Variants in CCDC192 observed in about 807,000 individuals in gnomAD.
CCDC192 encodes coiled-coil domain containing 192.
At chr5:127,736,425 A>T (rs1162901830) in intron 2 of CCDC192, among the ~76,000 whole-genome samples, 1 of 151,766 alleles carries the variant, frequency 6.6e-6, no homozygotes, top group Non-Finnish European at 1.5e-5. Flanking sequence ...CTTTGGTATC[A>T]GAATGATGCT....
intron 5 of CCDC192, among the ~76,000 whole-genome samples, chr5:127,847,381 G>A (rs1016846308): frequency 1.3e-5 from 2 of 152,080 alleles, no homozygotes; most frequent in African/African-American, 4.8e-5. Flanking sequence ...TTTTGCTGCT[G>A]ACAGTATTTC....
chr5:127,856,226 CACCTT>C (rs1212987066), intron 5 of CCDC192, among the ~76,000 whole-genome samples: 1 of 152,228 alleles, frequency 6.6e-6, no homozygotes, highest in Non-Finnish European at 1.5e-5. Flanking sequence ...ATTGCTGCTT[CACCTT>C]ACACTTTCAT....
At chr5:127,897,674 C>T (rs1001742097) in intron 6 of CCDC192, among the ~76,000 whole-genome samples, 1 of 151,986 alleles carries the variant, frequency 6.6e-6, no homozygotes, top group Non-Finnish European at 1.5e-5. Flanking sequence ...TTCATTTTTC[C>T]TCTTAGGAAT....
In CCDC192 at chr5:127,941,502, G is replaced by A. The variant is rs1292990878; in HGVS notation, c.*34G>A. ...TAAGAAAACAATAAAAGTTTATTAA[G>A]TGTCATCCAGGTAAAGTCTGATACC... is the stretch of plus-strand genomic sequence containing the variant. On this transcript the variant is annotated 3_prime_UTR_variant, in exon 7 of 7. Transcript: ENST00000514853. 5.0e-6 allele frequency: 2 copies of A among 398,858 alleles called. No homozygotes were observed. Among genetic ancestry groups the A allele is most frequent in the East Asian group, 3.6e-5 (1 of 28,100 alleles). The allele number at this position is 398,858 out of a possible 1,614,324, so 24.7% of individuals were successfully genotyped here.
chr5:127,711,322 T>C (rs1432098591), intron 2 of CCDC192, among the ~76,000 whole-genome samples: 2 of 152,216 alleles, frequency 1.3e-5, no homozygotes, highest in African/African-American at 4.8e-5. Context: ...TAGTGATCAC[T>C]TTATTAAAGA....
intron 5 of CCDC192, among the ~76,000 whole-genome samples, chr5:127,820,087 T>G (rs544500397): frequency 2.0e-5 from 3 of 152,266 alleles, no homozygotes; most frequent in Non-Finnish European, 2.9e-5. Context: ...TTTGAGCAGA[T>G]AATGCTGTGA....
At chr5:127,786,927 C>A in intron 3 of CCDC192, 1 of 411,446 alleles carries the variant, frequency 2.4e-6, no homozygotes, top group South Asian at 2.3e-5. Flanking sequence ...GTATCTGGAC[C>A]TGGTCATGCT....
intron 6 of CCDC192, among the ~76,000 whole-genome samples, chr5:127,895,838 C>CAA (rs996288380): frequency 2.3e-5 from 3 of 131,226 alleles, no homozygotes; most frequent in Non-Finnish European, 3.3e-5. Context: ...TACCCTGTCT[C>CAA]AAAAAAAAAA....
chr5:127,876,196 A>C (rs116049163), intron 6 of CCDC192, among the ~76,000 whole-genome samples: 1 of 151,688 alleles, frequency 6.6e-6, no homozygotes, highest in South Asian at 2.1e-4. Flanking sequence ...TTAAAAAAAG[A>C]CTTCTCCAGC....
intron 5 of CCDC192, among the ~76,000 whole-genome samples, chr5:127,845,849 C>T (rs1405026665): frequency 6.6e-6 from 1 of 152,150 alleles, no homozygotes; most frequent in Non-Finnish European, 1.5e-5. Context: ...AGATATCATT[C>T]CTGTGTATCA....
chr5:127,765,218 G>T (rs1019613226), intron 3 of CCDC192, among the ~76,000 whole-genome samples: 1 of 152,122 alleles, frequency 6.6e-6, no homozygotes. Flanking sequence ...ATTCTTTTAT[G>T]GGTGGAGGAG....
At chr5:127,721,364 C>T (rs911833635) in intron 2 of CCDC192, among the ~76,000 whole-genome samples, 2 of 152,190 alleles carry the variant, frequency 1.3e-5, no homozygotes, top group African/African-American at 4.8e-5. Flanking sequence ...AAAATGCCTC[C>T]AGCTTCTTTG....
At chr5:127,719,831 G>GAA (rs1554068200) in intron 2 of CCDC192, among the ~76,000 whole-genome samples, 2 of 66,814 alleles carry the variant, frequency 3.0e-5, no homozygotes, top group African/African-American at 8.4e-5. Flanking sequence ...TCAGAGGAAG[G>GAA]GGCGGGGGAG....
intron 2 of CCDC192, among the ~76,000 whole-genome samples, chr5:127,748,421 T>C (rs1195681745): frequency 3.6e-5 from 2 of 55,626 alleles, no homozygotes; most frequent in African/African-American, 5.7e-5. Flanking sequence ...TAGTTGTAGA[T>C]ATGCGGCGTT....
intron 2 of CCDC192, among the ~76,000 whole-genome samples, chr5:127,735,262 G>C (rs1275275099): frequency 1.9e-5 from 2 of 105,422 alleles, no homozygotes; most frequent in Non-Finnish European, 3.7e-5. Context: ...ATTTCTGAGG[G>C]CTCTGTTCTG....
intron 6 of CCDC192, among the ~76,000 whole-genome samples, chr5:127,909,061 C>T (rs528508077): frequency 2.6e-5 from 4 of 152,006 alleles, no homozygotes; most frequent in Non-Finnish European, 5.9e-5. Context: ...AAAGGGAGGT[C>T]ATGTGATGTG....
At chr5:127,831,368 GTA>G (rs1749787821) in intron 5 of CCDC192, among the ~76,000 whole-genome samples, 3 of 151,832 alleles carry the variant, frequency 2.0e-5, no homozygotes, top group African/African-American at 7.3e-5. Context: ...GTGTGCGTGT[GTA>G]TATGTGTGCG....
In CCDC192 at chr5:127,919,071, ATATG is replaced by A. The variant is rs747453902; in HGVS notation, c.536-22109_536-22106del. Reference sequence around the variant, plus strand: ...TCTGTGTGTGTATGTGTGTGTGTATATATGTGTGTGTGTGTGTGTGTGTGTGTGT... The same window carrying A: ...TCTGTGTGTGTATGTGTGTGTGTATATGTGTGTGTGTGTGTGTGTGTGTGT... On this transcript the variant is annotated intron_variant, in intron 6 of 6. Coordinates refer to ENST00000514853, the MANE Select transcript of CCDC192 (RefSeq NM_001317938.2). Among the ~76,000 whole-genome samples the A allele has an allele frequency of 3.8e-3, 501 of 132,362 alleles. 5 individuals are homozygous for A. Among genetic ancestry groups the A allele is most frequent in the East Asian group, 0.027 (137 of 5,062 alleles). 86.8% of individuals were successfully genotyped at this position (132,362 alleles called of 152,430 possible). A position where few individuals can be genotyped will look rare whatever the true frequency, so the allele number is the denominator to read the frequency against.
intron 2 of CCDC192, among the ~76,000 whole-genome samples, chr5:127,718,097 C>CAA (rs2126791747): frequency 6.6e-6 from 1 of 152,048 alleles, no homozygotes; most frequent in Non-Finnish European, 1.5e-5. Context: ...TGAGGTTGGC[C>CAA]AAATATCTGG....
Sources: gnomAD v4.1 joint callset for allele counts (sites outside exome capture counted in the v4.1 genomes callset) on GRCh38, gnomAD v4.1.1 for gene constraint, MANE v1.5 for transcripts, NCBI Gene and HGNC (gene_info 2026-07-23, HGNC 2026-07-21) for gene names.